Variants in LAPTM4B observed in about 807,000 individuals in gnomAD.
LAPTM4B encodes the protein lysosomal protein transmembrane 4 beta.
Under a neutral mutation model 28.5 loss-of-function variants are expected in LAPTM4B, and 26 were observed. That is an observed-to-expected ratio of 0.91 (90% CI 0.67 to 1.27). LAPTM4B has a LOEUF of 1.27. LAPTM4B is among the 50% of genes most tolerant of loss of function. The pLI is 0.00. For synonymous variants in LAPTM4B, 109 were observed against 106.4 expected (o/e 1.02, Z -0.15); for missense variants, 288 against 285.8 (o/e 1.01, Z -0.06).
rs146440295 is a variant in LAPTM4B, at chr8:97,852,979, G to A, written c.*1505G>A. The stretch of plus-strand genomic sequence containing the variant: ...AACAGAAGTAGAAAAAGGTGTAGCC[G>A]GCATACAAATGTTATCTACAGTGTA... On this transcript the variant is annotated 3_prime_UTR_variant, in exon 7 of 7. Coordinates refer to ENST00000521545, the MANE Select transcript of LAPTM4B (RefSeq NM_018407.6). 4 of 605,404 alleles carry A rather than the reference G, an allele frequency of 6.6e-6. No homozygotes were observed. The highest frequency in any genetic ancestry group is 2.5e-5 in the South Asian group (1 of 40,626). The allele number at this position is 605,404 out of a possible 1,614,324, so 37.5% of individuals were successfully genotyped here.
chr8:97,805,396 C>A lies in LAPTM4B; in HGVS notation c.143C>A (p.Ala48Asp). 6.2e-7 allele frequency: 1 copy of A among 1,608,400 alleles called. No homozygotes were observed. Among genetic ancestry groups the A allele is most frequent in the Non-Finnish European group, 8.5e-7 (1 of 1,178,262 alleles). Residue 48 changes from alanine (A) to aspartate (D), a missense_variant, in exon 2 of 7, where the codon GCT (alanine) becomes GAT (aspartate). Physicochemically the swap from Ala to Asp is moderately radical, Grantham distance 126. Coordinates refer to ENST00000521545, the MANE Select transcript of LAPTM4B (RefSeq NM_018407.6). ...VVLLILLSAL[A>D]DPDQYNFSSS... ...CTGTTGATTTTATTGAGTGCCCTGG[C>A]TGATCCGGATCAGTATAACTTTTCA...
At position 97,798,262 on chromosome 8, in the gene LAPTM4B, T is replaced by C. The variant is rs985267377; in HGVS notation, c.100-7091T>C. 3.3e-5 allele frequency among the ~76,000 whole-genome samples: 5 copies of C among 152,226 alleles called. No individual in the cohort carries two copies. In the South Asian group the frequency reaches 1.0e-3, roughly 32 times the overall value. On this transcript the variant is annotated intron_variant, in intron 1 of 6. Transcript: ENST00000521545. ...GTTTAGTAGCTACCATGGCTAATCC[T>C]ACCCCCAACCCCTTTGCACAGACAT...
chr8:97,817,961 G>T (rs1260175687), intron 4 of LAPTM4B, among the ~76,000 whole-genome samples: 2 of 151,438 alleles, frequency 1.3e-5, no homozygotes. Flanking sequence ...CTACAGACAT[G>T]CACCACCATG....
chr8:97,786,692 C>G (rs1452594472), intron 1 of LAPTM4B, among the ~76,000 whole-genome samples: 2 of 146,490 alleles, frequency 1.4e-5, no homozygotes, highest in Non-Finnish European at 3.0e-5. Flanking sequence ...GAGCGAGACT[C>G]CCGTCTCAGA....
At chr8:97,843,604 ACT>A (rs1322637504) in intron 6 of LAPTM4B, among the ~76,000 whole-genome samples, 6 of 151,984 alleles carry the variant, frequency 3.9e-5, no homozygotes, top group Non-Finnish European at 5.9e-5. Flanking sequence ...ACACGGTGAA[ACT>A]CTGTCTCTAC....
At chr8:97,777,995 A>G (rs1206540938) in intron 1 of LAPTM4B, among the ~76,000 whole-genome samples, 1 of 152,232 alleles carries the variant, frequency 6.6e-6, no homozygotes, top group Non-Finnish European at 1.5e-5. Context: ...CGTGATCCAC[A>G]GGAAAGATAA....
At chr8:97,819,607 ATTAT>A (rs1816971540) in intron 5 of LAPTM4B, among the ~76,000 whole-genome samples, 1 of 137,774 alleles carries the variant, frequency 7.3e-6, no homozygotes, top group Non-Finnish European at 1.7e-5. Context: ...TATGAATATC[ATTAT>A]TTAATAAATT....
intron 1 of LAPTM4B, among the ~76,000 whole-genome samples, chr8:97,784,244 T>C (rs2438209): frequency 0.23 from 34,587 of 152,066 alleles, 5,061 homozygotes; most frequent in African/African-American, 0.41. Flanking sequence ...GCCCGTAATT[T>C]CAGGATAGAA....
Position 97,775,945 on chromosome 8 carries a change from T to C in LAPTM4B, c.-65T>C, listed in dbSNP as rs1460449296. Reference sequence around the variant, plus strand: ...AGCCGGCAGCAGCGGCGCGGCGGGCTCCAGGCGAGGCGGTCGACGCTCCTG... The same window carrying C: ...AGCCGGCAGCAGCGGCGCGGCGGGCCCCAGGCGAGGCGGTCGACGCTCCTG... On this transcript the variant is annotated 5_prime_UTR_variant, in exon 1 of 7. Coordinates refer to ENST00000521545, the MANE Select transcript of LAPTM4B (RefSeq NM_018407.6). 6.7e-7 allele frequency: 1 copy of C among 1,493,318 alleles called. No individual in the cohort carries two copies. 92.5% of individuals were successfully genotyped at this position (1,493,318 alleles called of 1,614,324 possible). A position where few individuals can be genotyped will look rare whatever the true frequency, so the allele number is the denominator to read the frequency against.
chr8:97,840,774 T>C (rs994983211), intron 6 of LAPTM4B, among the ~76,000 whole-genome samples: 6 of 152,094 alleles, frequency 3.9e-5, no homozygotes, highest in African/African-American at 1.4e-4. Context: ...GCAGAGGTGC[T>C]CCTCACTTCC....
chr8:97,779,753 TAAA>T (rs750177675), intron 1 of LAPTM4B, among the ~76,000 whole-genome samples: 4 of 115,290 alleles, frequency 3.5e-5, no homozygotes, highest in African/African-American at 6.4e-5. Context: ...GACTCTTATC[TAAA>T]AAAAAAAAAA....
intron 1 of LAPTM4B, among the ~76,000 whole-genome samples, chr8:97,782,473 CTG>C (rs1210423979): frequency 6.6e-6 from 1 of 151,286 alleles, no homozygotes; most frequent in Non-Finnish European, 1.5e-5. Flanking sequence ...GAGCCTCACT[CTG>C]TTGTCCAGGC....
intron 6 of LAPTM4B, among the ~76,000 whole-genome samples, chr8:97,835,547 A>G (rs190589219): frequency 3.9e-5 from 6 of 152,290 alleles, no homozygotes; most frequent in Admixed American, 2.0e-4. Context: ...GATAAGTAAC[A>G]TAACTGTGGA....
intron 2 of LAPTM4B, among the ~76,000 whole-genome samples, chr8:97,806,640 CA>C (rs1816758260): frequency 6.6e-6 from 1 of 152,104 alleles, no homozygotes; most frequent in South Asian, 2.1e-4. Flanking sequence ...GGGAGGGACC[CA>C]GGGGGAGGTA....
At chr8:97,820,292 TTTTC>T (rs1260678512) in intron 5 of LAPTM4B, among the ~76,000 whole-genome samples, 4 of 135,216 alleles carry the variant, frequency 3.0e-5, no homozygotes, top group African/African-American at 5.3e-5. Context: ...TTTTATTTAT[TTTTC>T]TTTCTTTCTT....
At chr8:97,823,711 T>C in intron 5 of LAPTM4B, among the ~76,000 whole-genome samples, 1 of 102,562 alleles carries the variant, frequency 9.8e-6, no homozygotes, top group South Asian at 3.5e-4. Flanking sequence ...TTTTTTTTTT[T>C]TTCGGAGATG....
At chr8:97,825,878 G>A (rs116388464) in intron 6 of LAPTM4B, among the ~76,000 whole-genome samples, 127 of 152,330 alleles carry the variant, frequency 8.3e-4, no homozygotes, top group African/African-American at 2.7e-3. Flanking sequence ...CGATGGGGAT[G>A]GATGACATGT....
intron 6 of LAPTM4B, among the ~76,000 whole-genome samples, chr8:97,850,983 A>G (rs1817515327): frequency 6.7e-6 from 1 of 150,220 alleles, no homozygotes; most frequent in Non-Finnish European, 1.5e-5. Flanking sequence ...CAGGCTTTGA[A>G]TCCAGGCTGA....
intron 5 of LAPTM4B, among the ~76,000 whole-genome samples, chr8:97,822,047 G>C (rs55987368): frequency 0.33 from 50,377 of 152,094 alleles, 9,829 homozygotes; most frequent in Non-Finnish European, 0.45. Context: ...ACACACGGAT[G>C]TTGGGCCTTA....
Sources: gnomAD v4.1 joint callset for allele counts (sites outside exome capture counted in the v4.1 genomes callset) on GRCh38, gnomAD v4.1.1 for gene constraint, MANE v1.5 for transcripts, NCBI Gene and HGNC (gene_info 2026-07-23, HGNC 2026-07-21) for gene names.